SEPTIN10: variants seen among roughly 807,000 people sequenced by gnomAD.
The protein encoded by SEPTIN10 is septin 10.
Under a neutral mutation model 54.8 loss-of-function variants are expected in SEPTIN10, and 66 were observed. The observed-to-expected ratio is 1.21, with a 90% CI of 0.99 to 1.48. The LOEUF (loss-of-function observed/expected upper bound fraction) is 1.48, where lower values mean the gene tolerates loss of function less well. Among genes scored for constraint, SEPTIN10 ranks in the 40% most tolerant of loss-of-function variants. The pLI is 0.00. For missense variants in SEPTIN10, 620 were observed against 545.6 expected (o/e 1.14, Z -1.36); for synonymous variants, 161 against 181.0 (o/e 0.89, Z 0.89).
chr2:109,559,091 GGCCAGGCTGGTCTT>G (rs1487028650), intron 8 of SEPTIN10, among the ~76,000 whole-genome samples: 2 of 151,968 alleles, frequency 1.3e-5, no homozygotes, highest in East Asian at 3.9e-4. Context: ...TCACCATGTT[GGCCAGGCTGGTCTT>G]GAACTCCTGA....
intron 5 of SEPTIN10, 98 bp downstream of exon 5, chr2:109,574,483 A>C: frequency 1.6e-6 from 1 of 637,644 alleles, no homozygotes; most frequent in Non-Finnish European, 2.2e-6. Context: ...AAAGATGCAC[A>C]GGATAAAAGT....
intron 4 of SEPTIN10, among the ~76,000 whole-genome samples, chr2:109,580,351 A>C (rs1174328904): frequency 6.6e-5 from 1 of 15,130 alleles, no homozygotes; most frequent in African/African-American, 1.1e-4. Flanking sequence ...ATAAAATGCA[A>C]AAAAAAAAAA....
At chr2:109,549,015 C>T (rs746891412) in intron 9 of SEPTIN10, among the ~76,000 whole-genome samples, 11 of 152,070 alleles carry the variant, frequency 7.2e-5, no homozygotes, top group Non-Finnish European at 1.0e-4. Flanking sequence ...TGCTTTTATT[C>T]CAGAGGATGC....
intron 1 of SEPTIN10, 52 bp downstream of exon 1, chr2:109,613,746 C>T (rs1699830350): frequency 8.6e-7 from 1 of 1,167,680 alleles, no homozygotes; most frequent in Non-Finnish European, 1.1e-6. Flanking sequence ...GCGGGAAGTC[C>T]CGCGGGGGCC....
chr2:109,602,481 C>G lies in SEPTIN10; in HGVS notation c.31-9362G>C, dbSNP rs554383665. 3.9e-5 allele frequency among the ~76,000 whole-genome samples: 6 copies of G among 152,016 alleles called. 1 individual carries two copies. Among genetic ancestry groups the G allele is most frequent in the African/African-American group, 1.4e-4 (6 of 41,488 alleles). ...ACCTGAGGTCAGGAGTTTGACACCA[C>G]CCTGACCAAAATGGTGAAACCCCAT... On this transcript the variant is annotated intron_variant, in intron 1 of 10. Transcript: ENST00000397712.
At chr2:109,609,406 T>C (rs1343006823) in intron 1 of SEPTIN10, among the ~76,000 whole-genome samples, 1 of 152,086 alleles carries the variant, frequency 6.6e-6, no homozygotes, top group African/African-American at 2.4e-5. Flanking sequence ...CAGAGTTTAC[T>C]TGATGCAAAA....
At chr2:109,609,396 C>T (rs922428132) in intron 1 of SEPTIN10, among the ~76,000 whole-genome samples, 1 of 151,916 alleles carries the variant, frequency 6.6e-6, no homozygotes, top group Admixed American at 6.6e-5. Context: ...GAAAAAAATG[C>T]AGAGTTTACT....
intron 8 of SEPTIN10, chr2:109,564,090 C>CGTA (rs1384710516): frequency 3.0e-6 from 1 of 336,758 alleles, no homozygotes; most frequent in Non-Finnish European, 5.3e-6. Flanking sequence ...TTCAGTTACT[C>CGTA]ATGTCAGCAT....
Position 109,585,130 on chromosome 2 carries a change from CTTCT to C in SEPTIN10, c.405_408del (p.Glu136ArgfsTer6). 6.4e-7 allele frequency: 1 copy of C among 1,565,242 alleles called. No homozygotes were observed. On this transcript the variant is annotated frameshift_variant, in exon 4 of 11. Coordinates refer to ENST00000397712, the MANE Select transcript of SEPTIN10 (RefSeq NM_144710.5). LOFTEE classifies it high-confidence loss of function. ...TTACAAGAAGAAAACACATACCTCTCTTCTTTATTTATTTGGTCACCAAATCCCA... is the reference window on the plus strand; with the variant it reads ...TTACAAGAAGAAAACACATACCTCTCTTATTTATTTGGTCACCAAATCCCA...
At chr2:109,548,674 G>A (rs951650621) in intron 9 of SEPTIN10, among the ~76,000 whole-genome samples, 8 of 149,226 alleles carry the variant, frequency 5.4e-5, no homozygotes, top group Non-Finnish European at 1.2e-4. Flanking sequence ...TACTCGGGAG[G>A]CTGAGACAGG....
chr2:109,558,688 A>C (rs1327608322), intron 8 of SEPTIN10, among the ~76,000 whole-genome samples: 3 of 152,192 alleles, frequency 2.0e-5, no homozygotes, highest in Non-Finnish European at 4.4e-5. Flanking sequence ...CATTCAATAA[A>C]GTGTAAGTGG....
intron 4 of SEPTIN10, among the ~76,000 whole-genome samples, chr2:109,578,821 T>C (rs1235430604): frequency 1.3e-5 from 2 of 151,960 alleles, no homozygotes; most frequent in Non-Finnish European, 2.9e-5. Flanking sequence ...TGTATCAAAC[T>C]TGTGGAATGT....
chr2:109,595,553 G>A (rs1302333081), intron 1 of SEPTIN10, among the ~76,000 whole-genome samples: 1 of 152,134 alleles, frequency 6.6e-6, no homozygotes, highest in African/African-American at 2.4e-5. Flanking sequence ...CAGAAATTTG[G>A]AGAAATTAGA....
chr2:109,612,056 C>T (rs1193532156), intron 1 of SEPTIN10, among the ~76,000 whole-genome samples: 1 of 152,036 alleles, frequency 6.6e-6, no homozygotes, highest in African/African-American at 2.4e-5. Flanking sequence ...AGCTTTATTG[C>T]CAATAGCCAA....
chr2:109,582,108 A>T (rs1175253120), intron 4 of SEPTIN10, among the ~76,000 whole-genome samples: 4 of 143,086 alleles, frequency 2.8e-5, no homozygotes, highest in African/African-American at 8.0e-5. Flanking sequence ...ACACACACAC[A>T]CACACTCACT....
intron 5 of SEPTIN10, 97 bp from the exon 6 acceptor site, chr2:109,568,073 T>A (rs913752136): frequency 2.1e-6 from 2 of 971,996 alleles, no homozygotes; most frequent in African/African-American, 3.3e-5. Context: ...TGACAATGAA[T>A]TTCCCTAAAC....
intron 4 of SEPTIN10, among the ~76,000 whole-genome samples, chr2:109,580,834 C>G (rs1690930163): frequency 1.3e-5 from 2 of 152,222 alleles, no homozygotes; most frequent in African/African-American, 4.8e-5. Context: ...AGCTTCCTGA[C>G]TGGGGACAAG....
chr2:109,612,948 C>A (rs1699579462), intron 1 of SEPTIN10, among the ~76,000 whole-genome samples: 2 of 152,190 alleles, frequency 1.3e-5, no homozygotes, highest in African/African-American at 4.8e-5. Context: ...TAGGAGGTTG[C>A]TTAGTAGAGT....
intron 10 of SEPTIN10, chr2:109,544,953 A>T: frequency 4.1e-6 from 4 of 984,996 alleles, no homozygotes; most frequent in Non-Finnish European, 4.8e-6. Context: ...AAACAAAAAT[A>T]CCTGTAAAAT....
Sources: gnomAD v4.1 joint callset for allele counts (sites outside exome capture counted in the v4.1 genomes callset) on GRCh38, gnomAD v4.1.1 for gene constraint, MANE v1.5 for transcripts, NCBI Gene and HGNC (gene_info 2026-07-23, HGNC 2026-07-21) for gene names.